PIK3CA: variants seen among roughly 807,000 people sequenced by gnomAD.
PIK3CA encodes the protein phosphatidylinositol 4,5-bisphosphate 3-kinase catalytic subunit alpha isoform.
Under a neutral mutation model 138.2 loss-of-function variants are expected in PIK3CA, and 27 were observed. That is an observed-to-expected ratio of 0.20 (90% CI 0.14 to 0.27). The LOEUF (loss-of-function observed/expected upper bound fraction) is 0.27. PIK3CA is among the 10% of genes least tolerant of loss of function. The pLI is 1.00. For missense variants in PIK3CA, 544 were observed against 1,277.4 expected (o/e 0.43, Z 8.75); for synonymous variants, 358 against 413.2 (o/e 0.87, Z 1.62).
intron 1 of PIK3CA, among the ~76,000 whole-genome samples, chr3:179,198,324 C>T (rs1287595656): frequency 2.0e-5 from 3 of 152,150 alleles, no homozygotes; most frequent in Non-Finnish European, 4.4e-5. Context: ...AAAATAAGAG[C>T]AGTGGACCCA....
Position 179,237,310 on chromosome 3 carries a change from T to C in PIK3CA, c.*2946T>C. On this transcript the variant is annotated 3_prime_UTR_variant, in exon 21 of 21. Coordinates refer to ENST00000263967, the MANE Select transcript of PIK3CA (RefSeq NM_006218.4). ...GCTTTTTGTGGTTCTTAGTGTCCTA[T>C]GTAAAACTTAGTGTCAAAGTAATCA... 5.1e-6 allele frequency: 1 copy of C among 195,890 alleles called. No homozygotes were observed. Among genetic ancestry groups the C allele is most frequent in the Non-Finnish European group, 1.1e-5 (1 of 94,224 alleles). The allele number at this position is 195,890 out of a possible 1,614,324, so 12.1% of individuals were successfully genotyped here.
chr3:179,205,020 CAAAAAAAAAAAAAAAAAAAAAAAA>C (rs574908621), intron 6 of PIK3CA, among the ~76,000 whole-genome samples: 1 of 53,348 alleles, frequency 1.9e-5, no homozygotes, highest in African/African-American at 6.8e-5. Flanking sequence ...GACTCCGTCT[CAAAAAAAAAAAAAAAAAAAAAAAA>C]AAAAAAAAAA....
At chr3:179,194,231 TA>T (rs1332583171) in intron 1 of PIK3CA, among the ~76,000 whole-genome samples, 6 of 152,346 alleles carry the variant, frequency 3.9e-5, no homozygotes, top group Admixed American at 2.6e-4. Context: ...TATTTTATTT[TA>T]TTTTTTTTGG....
In PIK3CA at chr3:179,230,359, G is replaced by A. The variant is rs369770518; in HGVS notation, c.2919G>A (p.Lys973=). Residue 973 remains lysine, a synonymous_variant, in exon 20 of 21, where the codon AAG becomes AAA. Transcript: ENST00000263967. This position sits in a 1 kb window ranked among gnomAD's most constrained non-coding sequence, Gnocchi z 5.4. ...VISKGAQECT[K]TREFERFQEM... The stretch of plus-strand genomic sequence containing the variant: ...GTAAAGGAGCCCAAGAATGCACAAA[G>A]ACAAGAGAATTTGAGAGGTGAGCTC... The A allele has an allele frequency of 6.2e-7, 1 of 1,601,276 alleles. No homozygotes were observed. The highest frequency in any genetic ancestry group is 8.5e-7 in the Non-Finnish European group (1 of 1,176,454).
chr3:179,207,199 T>G (rs998556598), intron 6 of PIK3CA, among the ~76,000 whole-genome samples: 20 of 152,324 alleles, frequency 1.3e-4, no homozygotes, highest in East Asian at 3.9e-4. Context: ...AATCTGTGCT[T>G]CTTTTATGCT....
In PIK3CA at chr3:179,234,890, G is replaced by A. The variant is rs766644047; in HGVS notation, c.*526G>A. On this transcript the variant is annotated 3_prime_UTR_variant, in exon 21 of 21. Transcript: ENST00000263967. The surrounding 1 kb of genome is among the most constrained non-coding windows in gnomAD (Gnocchi z 5.1). Reference sequence around the variant, plus strand: ...AATTTATAGTTTGAAGTGGGTTTTTGACTGCTTGTTTAATGAAGAAAAATG... The same window carrying A: ...AATTTATAGTTTGAAGTGGGTTTTTAACTGCTTGTTTAATGAAGAAAAATG... 1 of 227,882 alleles carries A rather than the reference G, an allele frequency of 4.4e-6. No homozygotes were observed. Among genetic ancestry groups the A allele is most frequent in the Non-Finnish European group, 8.7e-6 (1 of 115,158 alleles). 14.1% of individuals were successfully genotyped at this position (227,882 alleles called of 1,614,324 possible).
rs1051402 is a variant in PIK3CA, at chr3:179,199,739, A to T, written c.402A>T (p.Pro134=). The change falls in exon 3 of 21, where the codon CCA becomes CCT. Residue 134 remains proline (P), a synonymous_variant. Coordinates refer to ENST00000263967, the MANE Select transcript of PIK3CA (RefSeq NM_006218.4). ...GTGAATTTGATATGGTTAAAGATCC[A>T]GAAGTACAGGACTTCCGAAGAAATA... ...PVCEFDMVKD[P]EVQDFRRNIL... 1 of 1,613,328 alleles carries T rather than the reference A, an allele frequency of 6.2e-7. No individual in the cohort carries two copies.
At chr3:179,153,141 T>C (rs1723054202) in intron 1 of PIK3CA, among the ~76,000 whole-genome samples, 1 of 152,166 alleles carries the variant, frequency 6.6e-6, no homozygotes, top group East Asian at 1.9e-4. Flanking sequence ...TAGGAAAAAT[T>C]GGTCTTCTGG....
chr3:179,169,704 G>T (rs988015644), intron 1 of PIK3CA, among the ~76,000 whole-genome samples: 6 of 152,010 alleles, frequency 3.9e-5, no homozygotes, highest in African/African-American at 1.4e-4. Flanking sequence ...TATAACTAAG[G>T]ATTTAATACC....
intron 17 of PIK3CA, 76 bp from the exon 18 acceptor site, chr3:179,229,196 C>T (rs1725154799): frequency 1.2e-5 from 14 of 1,122,872 alleles, no homozygotes; most frequent in Non-Finnish European, 1.8e-5. Context: ...ATAAAATACT[C>T]ATGTTTTAGC....
At chr3:179,173,404 CAAAAAAAAAAAA>C (rs749831764) in intron 1 of PIK3CA, among the ~76,000 whole-genome samples, 11 of 43,110 alleles carry the variant, frequency 2.6e-4, no homozygotes, top group East Asian at 8.4e-4. Context: ...GCTAAAAATA[CAAAAAAAAAAAA>C]AAAAAAAAAA....
At chr3:179,170,550 T>A (rs2108362002) in intron 1 of PIK3CA, among the ~76,000 whole-genome samples, 1 of 152,358 alleles carries the variant, frequency 6.6e-6, no homozygotes, top group Non-Finnish European at 1.5e-5. Context: ...TTTTGTTTAA[T>A]TTTTATCATC....
At chr3:179,183,663 G>A (rs1723905023) in intron 1 of PIK3CA, among the ~76,000 whole-genome samples, 1 of 152,182 alleles carries the variant, frequency 6.6e-6, no homozygotes, top group Non-Finnish European at 1.5e-5. Context: ...TAAGAGGAAA[G>A]AATAAGAGAT....
chr3:179,177,739 A>G (rs886674296), intron 1 of PIK3CA, among the ~76,000 whole-genome samples: 3 of 152,248 alleles, frequency 2.0e-5, no homozygotes, highest in African/African-American at 7.2e-5. Flanking sequence ...AGCTTACATG[A>G]AGAAATCTTT....
intron 2 of PIK3CA, among the ~76,000 whole-genome samples, chr3:179,199,393 G>A (rs554416123): frequency 1.0e-3 from 153 of 152,092 alleles, no homozygotes; most frequent in African/African-American, 3.3e-3. Flanking sequence ...AATGTCATTT[G>A]TGGGATGACT....
At chr3:179,170,877 A>G (rs1215327152) in intron 1 of PIK3CA, among the ~76,000 whole-genome samples, 7 of 152,308 alleles carry the variant, frequency 4.6e-5, no homozygotes, top group Admixed American at 3.3e-4. Flanking sequence ...CTCTTCTCTC[A>G]ACAGTTGATA....
chr3:179,159,745 CATT>C (rs1248675412), intron 1 of PIK3CA, among the ~76,000 whole-genome samples: 2 of 152,168 alleles, frequency 1.3e-5, no homozygotes, highest in African/African-American at 2.4e-5. Flanking sequence ...ATGATTTCAT[CATT>C]GTGCAGACAC....
At chr3:179,194,750 A>T (rs1157569293) in intron 1 of PIK3CA, among the ~76,000 whole-genome samples, 1 of 152,130 alleles carries the variant, frequency 6.6e-6, no homozygotes. Flanking sequence ...ACACCTGTCT[A>T]TAGGCTCTCT....
chr3:179,229,669 A>G (rs1725168477), intron 18 of PIK3CA, among the ~76,000 whole-genome samples: 2 of 152,170 alleles, frequency 1.3e-5, no homozygotes, highest in South Asian at 4.1e-4. Context: ...TCTAAAATGT[A>G]TTGTTATTGC....
Sources: gnomAD v4.1 joint callset for allele counts (sites outside exome capture counted in the v4.1 genomes callset) on GRCh38, gnomAD v4.1.1 for gene constraint, Gnocchi (gnomAD v3.1) non-coding constraint, MANE v1.5 for transcripts, NCBI Gene and HGNC (gene_info 2026-07-23, HGNC 2026-07-21) for gene names.